The following PIK3R5 variants were observed in gnomAD, a reference collection of about 807,000 sequenced individuals.
PIK3R5 encodes the protein phosphoinositide-3-kinase regulatory subunit 5.
Under a neutral mutation model 94.9 loss-of-function variants are expected in PIK3R5, and 32 were observed. The observed-to-expected ratio is 0.34, with a 90% confidence interval of 0.25 to 0.45. The LOEUF is 0.45. Among genes scored for constraint, PIK3R5 ranks in the 20% least tolerant of loss-of-function variants. The pLI is 1.00. For missense variants in PIK3R5, 853 were observed against 1,144.6 expected (o/e 0.75, Z 3.68); for synonymous variants, 443 against 479.4 (o/e 0.92, Z 0.99).
Position 8,960,436 on chromosome 17 carries a change from A to G in PIK3R5, c.-14+5160T>C, listed in dbSNP as rs1388596454. On this transcript the variant is annotated intron_variant, in intron 1 of 18. Coordinates refer to ENST00000447110, the MANE Select transcript of PIK3R5 (RefSeq NM_001142633.3). The stretch of plus-strand genomic sequence containing the variant: ...AATATGTGTGTTGCATGTCTTGTCT[A>G]TGAGACTGTGAGTTCCACGGGGCAG... 3.3e-5 allele frequency among the ~76,000 whole-genome samples: 5 copies of G among 152,308 alleles called. No homozygotes were observed. The East Asian group carries it at 7.7e-4, about 24-fold the overall frequency.
At position 8,893,920 on chromosome 17, in the gene PIK3R5, C is replaced by T. The variant is rs896874379; in HGVS notation, c.413-265G>A. ...TGGGCCTCGCTGTCCTCTGGATTCC[C>T]GTGGCCTCTCTGACTGCCCTCCCTT... On this transcript the variant is annotated intron_variant, in intron 5 of 18. Transcript: ENST00000447110. The surrounding 1 kb of genome is among the most constrained non-coding windows in gnomAD (Gnocchi z 5.1). The T allele has an allele frequency of 9.4e-6, 3 of 318,090 alleles. No homozygotes were observed. Among genetic ancestry groups the T allele is most frequent in the Non-Finnish European group, 1.2e-5 (2 of 169,346 alleles). The allele number at this position is 318,090 out of a possible 1,614,324, so 19.7% of individuals were successfully genotyped here.
In PIK3R5 at chr17:8,879,619, T is replaced by C. The variant is rs1021054040; in HGVS notation, c.*1020A>G. ...CTTACCCTGACGAAGGCAATCCTCCTCTGGAATGTCTCTTCCCTCTTCAGT... is the reference window on the plus strand; with the variant it reads ...CTTACCCTGACGAAGGCAATCCTCCCCTGGAATGTCTCTTCCCTCTTCAGT... On this transcript the variant is annotated 3_prime_UTR_variant, in exon 19 of 19. Coordinates refer to ENST00000447110, the MANE Select transcript of PIK3R5 (RefSeq NM_001142633.3). This position sits in a 1 kb window ranked among gnomAD's most constrained non-coding sequence, Gnocchi z 4.4. 6.6e-5 allele frequency: 10 copies of C among 152,310 alleles called. No homozygotes were observed. The highest frequency in any genetic ancestry group is 2.4e-4 in the African/African-American group (10 of 41,552). The allele number at this position is 152,310 out of a possible 1,614,324, so 9.4% of individuals were successfully genotyped here. A position where few individuals can be genotyped will look rare whatever the true frequency, so the allele number is the denominator to read the frequency against.
rs111823099 is a variant in PIK3R5 at position 8,961,232 on chromosome 17, G to A, written c.-14+4364C>T. Among the ~76,000 whole-genome samples the A allele has an allele frequency of 3.6e-3, 544 of 152,310 alleles. 6 individuals are homozygous for A. The highest frequency in any genetic ancestry group is 0.012 in the African/African-American group (512 of 41,554). ...CAACAGCACACGCAAAGGTGCAGAG[G>A]TCTCCTCAGGCTACAGGAGAGGAAG... On this transcript the variant is annotated intron_variant, in intron 1 of 18. Coordinates refer to ENST00000447110, the MANE Select transcript of PIK3R5 (RefSeq NM_001142633.3).
chr17:8,886,381 C>A, intron 13 of PIK3R5, 59 bp from the exon 14 acceptor site: 2 of 1,602,990 alleles, frequency 1.2e-6, no homozygotes, highest in African/African-American at 1.3e-5. Context: ...CCATTTGGCT[C>A]CTCCAGCATA....
chr17:8,961,646 A>AT (rs960873469), intron 1 of PIK3R5, among the ~76,000 whole-genome samples: 3 of 151,414 alleles, frequency 2.0e-5, no homozygotes, highest in Admixed American at 6.6e-5. Context: ...AAAAATAATA[A>AT]TTTAAAAAAA....
intron 1 of PIK3R5, among the ~76,000 whole-genome samples, chr17:8,943,153 CA>C (rs2091216426): frequency 6.6e-6 from 1 of 151,958 alleles, no homozygotes; most frequent in Non-Finnish European, 1.5e-5. Context: ...CATCTCACTG[CA>C]ACCTTGAACT....
intron 12 of PIK3R5, 70 bp from the exon 13 acceptor site, chr17:8,886,675 T>C: frequency 6.7e-7 from 1 of 1,489,924 alleles, no homozygotes; most frequent in South Asian, 1.3e-5. Flanking sequence ...GAGCAAGAAT[T>C]AGGGAGGAAG....
intron 1 of PIK3R5, among the ~76,000 whole-genome samples, chr17:8,931,362 C>T (rs951306617): frequency 6.6e-6 from 1 of 152,148 alleles, no homozygotes; most frequent in African/African-American, 2.4e-5. Flanking sequence ...TGGACTAAGC[C>T]TCCCTCCATG....
In PIK3R5 at chr17:8,880,375, G is replaced by T; in HGVS notation, c.*264C>A. On this transcript the variant is annotated 3_prime_UTR_variant, in exon 19 of 19. Coordinates refer to ENST00000447110, the MANE Select transcript of PIK3R5 (RefSeq NM_001142633.3). ...ATGCTAATGGTCAGGGACTTCAGAG[G>T]TCAATTTACCCATCCTTCTCCTTCT... is the stretch of plus-strand genomic sequence containing the variant. 2.6e-6 allele frequency: 1 copy of T among 384,136 alleles called. No homozygotes were observed. The highest frequency in any genetic ancestry group is 7.7e-5 in the South Asian group (1 of 13,050). 23.8% of individuals were successfully genotyped at this position (384,136 alleles called of 1,614,324 possible).
chr17:8,931,689 C>G (rs145963320), intron 1 of PIK3R5, among the ~76,000 whole-genome samples: 1 of 152,322 alleles, frequency 6.6e-6, no homozygotes, highest in East Asian at 1.9e-4. Context: ...TAGCTGAATA[C>G]TAAGCTGTGC....
chr17:8,940,843 G>A (rs1295185578), intron 1 of PIK3R5, among the ~76,000 whole-genome samples: 3 of 152,190 alleles, frequency 2.0e-5, no homozygotes, highest in African/African-American at 4.8e-5. Context: ...TTACAGGTGC[G>A]AGCCACTGTG....
chr17:8,884,764 C>T lies in PIK3R5; in HGVS notation c.2148G>A (p.Leu716=), dbSNP rs913602985. ...CAGCCTCCCGGTCGCCATCGATGCCCAGCCGCTTGCTGCCAGGACCTGTGC... is the reference window on the plus strand; with the variant it reads ...CAGCCTCCCGGTCGCCATCGATGCCTAGCCGCTTGCTGCCAGGACCTGTGC... ...IKASGPGSKR[L]GIDGDREAVP... Residue 716 remains leucine (L), a synonymous_variant, in exon 15 of 19, where the codon CTG becomes CTA. Coordinates refer to ENST00000447110, the MANE Select transcript of PIK3R5 (RefSeq NM_001142633.3). The surrounding 1 kb of genome is among the most constrained non-coding windows in gnomAD (Gnocchi z 5.8). 31 of 1,613,094 alleles carry T rather than the reference C, an allele frequency of 1.9e-5. No individual in the cohort carries two copies. Among genetic ancestry groups the T allele is most frequent in the Non-Finnish European group, 2.4e-5 (28 of 1,179,612 alleles).
Position 8,911,769 on chromosome 17 carries a change from G to A in PIK3R5, c.-13-262C>T, listed in dbSNP as rs1215721647. On this transcript the variant is annotated intron_variant, in intron 1 of 18. Transcript: ENST00000447110. The surrounding 1 kb of genome is among the most constrained non-coding windows in gnomAD (Gnocchi z 5.3). ...GTGGGAAGTAAGGGGTCAGGAATGG[G>A]AGCAGAGAGGTGGAAAGGGCACTGG... 2 of 355,096 alleles carry A rather than the reference G, an allele frequency of 5.6e-6. No individual in the cohort carries two copies. The highest frequency in any genetic ancestry group is 4.3e-5 in the South Asian group (1 of 23,152). 22.0% of individuals were successfully genotyped at this position (355,096 alleles called of 1,614,324 possible).
chr17:8,887,263 G>C, intron 11 of PIK3R5, 42 bp from the exon 12 acceptor site: 1 of 1,610,486 alleles, frequency 6.2e-7, no homozygotes, highest in Non-Finnish European at 8.5e-7. Flanking sequence ...CTCCCCAGGA[G>C]GCCTGCCCAT....
chr17:8,893,860 TC>T lies in PIK3R5; in HGVS notation c.413-206del. 2.2e-6 allele frequency: 1 copy of T among 460,254 alleles called. No individual in the cohort carries two copies. The highest frequency in any genetic ancestry group is 4.0e-6 in the Non-Finnish European group (1 of 252,520). The allele number at this position is 460,254 out of a possible 1,614,324, so 28.5% of individuals were successfully genotyped here. A position where few individuals can be genotyped will look rare whatever the true frequency, so the allele number is the denominator to read the frequency against. On this transcript the variant is annotated intron_variant, in intron 5 of 18. Transcript: ENST00000447110. This position sits in a 1 kb window ranked among gnomAD's most constrained non-coding sequence, Gnocchi z 5.1. ...GTCCTTTTACACCTCACGAGTCATA[TC>T]CCCACCTCCACCTCCAACACCAAAA...
intron 1 of PIK3R5, among the ~76,000 whole-genome samples, chr17:8,947,533 C>T (rs1441046094): frequency 6.6e-6 from 1 of 151,452 alleles, no homozygotes; most frequent in Non-Finnish European, 1.5e-5. Flanking sequence ...ACAACAACAA[C>T]AAGAGGCTGG....
chr17:8,886,975 C>T (rs2089874834), intron 12 of PIK3R5, 121 bp downstream of exon 12: 2 of 1,183,266 alleles, frequency 1.7e-6, no homozygotes, highest in African/African-American at 1.5e-5. Context: ...CTGATCTTTT[C>T]CAAGAGGGCC....
At chr17:8,887,395 G>A in intron 11 of PIK3R5, 126 bp downstream of exon 11, 1 of 1,315,110 alleles carries the variant, frequency 7.6e-7, no homozygotes, top group Non-Finnish European at 1.0e-6. Flanking sequence ...AGTGCAGGGA[G>A]TGAGGGCCAG....
Position 8,888,666 on chromosome 17 carries a change from T to C in PIK3R5, c.1121A>G (p.His374Arg), listed in dbSNP as rs1205962416. The change falls in exon 10 of 19, where the codon CAT (histidine) becomes CGT (arginine). Residue 374 changes from histidine to arginine, a missense_variant. Physicochemically the swap from His to Arg is conservative, Grantham distance 29. Transcript: ENST00000447110. The surrounding 1 kb of genome is among the most constrained non-coding windows in gnomAD (Gnocchi z 7.8). The stretch of plus-strand genomic sequence containing the variant: ...GCCTGAGACAAAGGAAGTCAGCAGA[T>C]GGCGCGAGAGGGCCGGCCCCGAGGC... Reference protein sequence around the residue: ...SQASGPALSRHLLTSFVSGLS... With the variant: ...SQASGPALSRRLLTSFVSGLS... 5.0e-6 allele frequency: 8 copies of C among 1,613,810 alleles called. No individual in the cohort carries two copies. Among genetic ancestry groups the C allele is most frequent in the Non-Finnish European group, 5.9e-6 (7 of 1,179,916 alleles).
Sources: allele counts gnomAD v4.1 joint callset (sites outside exome capture counted in the v4.1 genomes callset), GRCh38; gene constraint gnomAD v4.1.1; non-coding constraint Gnocchi (gnomAD v3.1); transcripts MANE v1.5; gene names NCBI Gene and HGNC (gene_info 2026-07-23, HGNC 2026-07-21).